The following CR2 variants were observed in gnomAD, a reference collection of about 807,000 sequenced individuals.
CR2 encodes the protein complement C3d receptor 2, also known as complement receptor type 2.
In CR2, 96 loss-of-function variants were observed where a neutral mutation model predicts 123.0. That is an observed-to-expected ratio of 0.78 (90% confidence interval 0.66 to 0.93). The LOEUF is 0.93. CR2 is among the 40% of genes least tolerant of loss of function. CR2 has a pLI of 0.00. For missense variants in CR2, 1,258 were observed against 1,361.0 expected (o/e 0.92, Z 1.19); for synonymous variants, 484 against 469.5 (o/e 1.03, Z -0.40).
intron 1 of CR2, among the ~76,000 whole-genome samples, chr1:207,459,959 A>G (rs751805068): frequency 2.6e-5 from 4 of 152,202 alleles, no homozygotes; most frequent in Non-Finnish European, 4.4e-5. Flanking sequence ...ATCTCCTTTC[A>G]TCATGGAAAG....
At position 207,475,109 on chromosome 1, in the gene CR2, T is replaced by C. The variant is rs1405101789; in HGVS notation, c.2609T>C (p.Ile870Thr). 1.9e-6 allele frequency: 3 copies of C among 1,612,462 alleles called. No homozygotes were observed. Among genetic ancestry groups the C allele is most frequent in the South Asian group, 2.2e-5 (2 of 90,780 alleles). Residue 870 changes from isoleucine to threonine, a missense_variant, in exon 14 of 20, where the codon ATA becomes ACA. Physicochemically the swap from Ile to Thr is moderately conservative, Grantham distance 89. Coordinates refer to ENST00000367057, the MANE Select transcript of CR2 (RefSeq NM_001006658.3). The stretch of plus-strand genomic sequence containing the variant: ...CATTCTGCATATTCCCACAATGACA[T>C]AGTGTATGTTGACTGCAATCCTGGC... ...KTHSAYSHND[I>T]VYVDCNPGFI...
At chr1:207,471,539 G>C in intron 9 of CR2, 40 bp downstream of exon 9, 1 of 1,360,284 alleles carries the variant, frequency 7.4e-7, no homozygotes, top group East Asian at 2.3e-5. Context: ...AATAATGTGA[G>C]ATCTATACAT....
At chr1:207,476,482 T>C (rs1658445351) in intron 15 of CR2, 63 bp downstream of exon 15, 4 of 1,459,184 alleles carry the variant, frequency 2.7e-6, no homozygotes, top group Non-Finnish European at 2.8e-6. Context: ...ATATATTCAG[T>C]TGGGTACTTT....
chr1:207,478,525 C>CAAAAAAAAAAA (rs36116544), intron 16 of CR2, among the ~76,000 whole-genome samples: 2 of 58,744 alleles, frequency 3.4e-5, no homozygotes, highest in Admixed American at 2.6e-4. Context: ...AAGACCCTAT[C>CAAAAAAAAAAA]AAAAAAAAAA....
In CR2 at chr1:207,477,884, G is replaced by C. The variant is rs1658483507; in HGVS notation, c.2903-1G>C. ...CTTGAATTAGATTTCTTTAATTTCAGAGGTAAACTGTAGCTCACCAGCAGA... is the reference window on the plus strand; with the variant it reads ...CTTGAATTAGATTTCTTTAATTTCACAGGTAAACTGTAGCTCACCAGCAGA... On this transcript the variant is annotated splice_acceptor_variant, in intron 15 of 19. Coordinates refer to ENST00000367057, the MANE Select transcript of CR2 (RefSeq NM_001006658.3). LOFTEE classifies it high-confidence loss of function. 6.2e-7 allele frequency: 1 copy of C among 1,613,712 alleles called. No homozygotes were observed. Among genetic ancestry groups the C allele is most frequent in the Non-Finnish European group, 8.5e-7 (1 of 1,179,812 alleles).
rs777726381 is a variant in CR2 at position 207,466,816 on chromosome 1, G to A, written c.349G>A (p.Ala117Thr). 1.2e-6 allele frequency: 2 copies of A among 1,613,778 alleles called. No homozygotes were observed. The highest frequency in any genetic ancestry group is 1.1e-5 in the South Asian group (1 of 91,000). ...PYRHGDSVTF[A>T]CKTNFSMNGN... Reference sequence around the variant, plus strand: ...CAGACATGGTGATTCTGTGACATTTGCCTGTAAAACCAACTTCTCCATGAA... The same window carrying A: ...CAGACATGGTGATTCTGTGACATTTACCTGTAAAACCAACTTCTCCATGAA... Residue 117 changes from alanine (A) to threonine (T), a missense_variant, in exon 2 of 20, where the codon GCC becomes ACC. Coordinates refer to ENST00000367057, the MANE Select transcript of CR2 (RefSeq NM_001006658.3).
In CR2 at chr1:207,473,823, G is replaced by A. The variant is rs773899865; in HGVS notation, c.2178G>A (p.Gln726=). ...RCEETCQHVR[Q]SLQELPAGSR... ...CAGAAACATGCCAGCATGTGAGACA[G>A]AGTCTTCAAGAACTTCCAGCTGGTT... Residue 726 remains glutamine, a synonymous_variant, in exon 12 of 20, where the codon CAG becomes CAA. Transcript: ENST00000367057. 3.1e-6 allele frequency: 5 copies of A among 1,613,892 alleles called. No individual in the cohort carries two copies. The African/African-American group carries it at 6.7e-5, about 22-fold the overall frequency.
intron 18 of CR2, among the ~76,000 whole-genome samples, chr1:207,484,798 A>G (rs377246772): frequency 3.3e-5 from 5 of 152,364 alleles, no homozygotes; most frequent in African/African-American, 1.2e-4. Flanking sequence ...GAAAGTAAAA[A>G]CATTCTCTTC....
At chr1:207,482,412 A>G (rs997789776) in intron 18 of CR2, among the ~76,000 whole-genome samples, 2 of 152,138 alleles carry the variant, frequency 1.3e-5, no homozygotes, top group African/African-American at 4.8e-5. Context: ...TATCTAGTAT[A>G]TACATGCATG....
At chr1:207,483,951 G>A (rs1658677028) in intron 18 of CR2, among the ~76,000 whole-genome samples, 2 of 152,124 alleles carry the variant, frequency 1.3e-5, no homozygotes, top group Admixed American at 6.6e-5. Context: ...AGTGAAGGAA[G>A]AGAGGCAGGG....
At chr1:207,485,622 ACTT>A in intron 19 of CR2, 50 bp downstream of exon 19, 20 of 1,089,974 alleles carry the variant, frequency 1.8e-5, no homozygotes, top group Non-Finnish European at 2.7e-5. Flanking sequence ...ATTTCCTTCA[ACTT>A]GTATTTATCA....
Position 207,470,978 on chromosome 1 carries a change from T to C in CR2, c.1403-19T>C. 2 of 1,613,838 alleles carry C rather than the reference T, an allele frequency of 1.2e-6. No homozygotes were observed. Among genetic ancestry groups the C allele is most frequent in the Non-Finnish European group, 1.7e-6 (2 of 1,179,806 alleles). ...AAGATTGCCTTGAATTAAATTCTCATCCTAGTCTCTTTTCTTAGTGGCAGC... is the reference window on the plus strand; with the variant it reads ...AAGATTGCCTTGAATTAAATTCTCACCCTAGTCTCTTTTCTTAGTGGCAGC... On this transcript the variant is annotated intron_variant, in intron 7 of 19. Coordinates refer to ENST00000367057, the MANE Select transcript of CR2 (RefSeq NM_001006658.3).
intron 1 of CR2, among the ~76,000 whole-genome samples, chr1:207,459,002 C>T (rs759625677): frequency 2.0e-5 from 3 of 151,894 alleles, no homozygotes; most frequent in African/African-American, 4.8e-5. Flanking sequence ...TAGAACATTG[C>T]AATGGGAATA....
Position 207,483,243 on chromosome 1 carries a change from C to T in CR2, c.3189-2221C>T, listed in dbSNP as rs76651797. On this transcript the variant is annotated intron_variant, in intron 18 of 19. Coordinates refer to ENST00000367057, the MANE Select transcript of CR2 (RefSeq NM_001006658.3). The stretch of plus-strand genomic sequence containing the variant: ...TTTCTTTCACGTGCCAAGTCCCCTG[C>T]ATCTATCATTTACCCTGCCACCAGT... Among the ~76,000 whole-genome samples, 1,382 of 152,262 alleles carry T rather than the reference C, an allele frequency of 9.1e-3. 19 individuals carry two copies. The highest frequency in any genetic ancestry group is 0.028 in the African/African-American group (1,182 of 41,540).
Position 207,454,708 on chromosome 1 carries a change from G to T in CR2, c.58+232G>T. ...GAATTGGAGGCTGCGCCACAGAGGGGCGCTGTCTGGTCGGCCCGGTGTGGC... is the reference window on the plus strand; with the variant it reads ...GAATTGGAGGCTGCGCCACAGAGGGTCGCTGTCTGGTCGGCCCGGTGTGGC... On this transcript the variant is annotated intron_variant, in intron 1 of 19. Transcript: ENST00000367057. The surrounding 1 kb of genome is among the most constrained non-coding windows in gnomAD (Gnocchi z 4.3). 2.1e-6 allele frequency: 1 copy of T among 467,266 alleles called. No homozygotes were observed. Among genetic ancestry groups the T allele is most frequent in the Non-Finnish European group, 3.8e-6 (1 of 264,380 alleles). The allele number at this position is 467,266 out of a possible 1,614,324, so 28.9% of individuals were successfully genotyped here. A position where few individuals can be genotyped will look rare whatever the true frequency, so the allele number is the denominator to read the frequency against.
chr1:207,468,541 T>C lies in CR2; in HGVS notation c.460T>C (p.Cys154Arg), dbSNP rs1459359069. ...PTCVSVFPLECPALPMIHNGH... is the reference protein window; with the variant it reads ...PTCVSVFPLERPALPMIHNGH... ...TGTGTGTAAAGTTTTCCCTCTCGAG[T>C]GTCCAGCACTTCCTATGATCCACAA... Residue 154 changes from cysteine (C) to arginine (R), a missense_variant, in exon 3 of 20, where the codon TGT becomes CGT. Cys to Arg is a radical substitution (Grantham distance 180). Coordinates refer to ENST00000367057, the MANE Select transcript of CR2 (RefSeq NM_001006658.3). The C allele has an allele frequency of 1.2e-6, 2 of 1,613,910 alleles. No homozygotes were observed. Among genetic ancestry groups the C allele is most frequent in the South Asian group, 2.2e-5 (2 of 91,080 alleles).
chr1:207,478,145 G>A, intron 16 of CR2, 75 bp downstream of exon 16: 1 of 1,465,888 alleles, frequency 6.8e-7, no homozygotes, highest in Non-Finnish European at 9.4e-7. Flanking sequence ...CCTCAGCGTG[G>A]AGAGTCCTGG....
chr1:207,474,436 A>C, intron 13 of CR2, 113 bp downstream of exon 13: 1 of 791,146 alleles, frequency 1.3e-6, no homozygotes. Flanking sequence ...CCCTCATTGG[A>C]GGTTAGATAA....
At chr1:207,474,744 A>G in intron 13 of CR2, 80 bp from the exon 14 acceptor site, 1 of 1,412,126 alleles carries the variant, frequency 7.1e-7, no homozygotes, top group Non-Finnish European at 1.0e-6. Flanking sequence ...ATGCAGTTGC[A>G]TATTGTCATT....
Sources: allele counts gnomAD v4.1 joint callset (sites outside exome capture counted in the v4.1 genomes callset), GRCh38; gene constraint gnomAD v4.1.1; non-coding constraint Gnocchi (gnomAD v3.1); transcripts MANE v1.5; gene names NCBI Gene and HGNC (gene_info 2026-07-23, HGNC 2026-07-21).